Variants in NCOA3 observed in about 807,000 individuals in gnomAD.
NCOA3 encodes the protein nuclear receptor coactivator 3, also known as CBP-interacting protein.
In NCOA3, 51 loss-of-function variants were observed where a neutral mutation model predicts 158.8. The observed-to-expected ratio is 0.32, with a 90% CI of 0.26 to 0.41. The LOEUF (loss-of-function observed/expected upper bound fraction) is 0.41. NCOA3 is among the 10% of genes least tolerant of loss of function. The probability of loss-of-function intolerance (pLI) is 1.00; values close to 1 mark genes in which losing one functional copy is unlikely to be tolerated. For synonymous variants in NCOA3, 537 were observed against 592.4 expected (o/e 0.91, Z 1.36); for missense variants, 1,510 against 1,746.6 (o/e 0.86, Z 2.41).
intron 1 of NCOA3, among the ~76,000 whole-genome samples, chr20:47,532,196 A>G (rs1411927576): frequency 6.6e-6 from 1 of 151,834 alleles, no homozygotes; most frequent in African/African-American, 2.4e-5. Flanking sequence ...TGATACTTAA[A>G]CAAGGACACC....
intron 1 of NCOA3, among the ~76,000 whole-genome samples, chr20:47,553,324 A>T (rs767497103): frequency 1.3e-5 from 2 of 152,118 alleles, no homozygotes; most frequent in Non-Finnish European, 2.9e-5. Flanking sequence ...AAGCATTTTC[A>T]TCTCTGCTTC....
At chr20:47,578,197 A>T (rs72662721) in intron 1 of NCOA3, among the ~76,000 whole-genome samples, 2 of 152,112 alleles carry the variant, frequency 1.3e-5, no homozygotes, top group East Asian at 1.9e-4. Flanking sequence ...TATTATTATT[A>T]TTTTTTAAGA....
intron 14 of NCOA3, 148 bp from the exon 15 acceptor site, chr20:47,639,429 A>G (rs1001118721): frequency 6.2e-6 from 7 of 1,133,468 alleles, no homozygotes; most frequent in South Asian, 3.0e-5. Flanking sequence ...ATAGTGGCCT[A>G]TGTCTCCACA....
intron 19 of NCOA3, 122 bp from the exon 20 acceptor site, chr20:47,650,860 T>TAAA: frequency 1.1e-6 from 1 of 880,796 alleles, no homozygotes; most frequent in Non-Finnish European, 1.7e-6. Flanking sequence ...GAGACCCTGT[T>TAAA]AAAAAAAAGA....
At chr20:47,597,308 T>C (rs2085773045) in intron 2 of NCOA3, among the ~76,000 whole-genome samples, 1 of 152,202 alleles carries the variant, frequency 6.6e-6, no homozygotes, top group Non-Finnish European at 1.5e-5. Flanking sequence ...CTTTTATAAT[T>C]GTCCCACCAT....
At chr20:47,623,814 A>G in intron 3 of NCOA3, 97 bp from the exon 4 acceptor site, 3 of 1,119,648 alleles carry the variant, frequency 2.7e-6, no homozygotes, top group Non-Finnish European at 2.5e-6. Flanking sequence ...AAAAGTAATC[A>G]TGTAATAGTG....
At chr20:47,514,153 T>C (rs988367367) in intron 1 of NCOA3, among the ~76,000 whole-genome samples, 1 of 152,014 alleles carries the variant, frequency 6.6e-6, no homozygotes, top group Admixed American at 6.6e-5. Context: ...TAAGTCAACA[T>C]TTTCTTTTTT....
intron 2 of NCOA3, among the ~76,000 whole-genome samples, chr20:47,588,099 G>T (rs2085564435): frequency 6.8e-6 from 1 of 146,640 alleles, no homozygotes; most frequent in African/African-American, 2.5e-5. Context: ...TAAATTGCTT[G>T]GATTAGCCCT....
At chr20:47,644,859 G>C (rs554984724) in intron 17 of NCOA3, among the ~76,000 whole-genome samples, 1 of 151,978 alleles carries the variant, frequency 6.6e-6, no homozygotes. Flanking sequence ...CACCACGCCC[G>C]GCTTTTTTTT....
At chr20:47,556,165 G>C (rs2085004028) in intron 1 of NCOA3, among the ~76,000 whole-genome samples, 1 of 151,690 alleles carries the variant, frequency 6.6e-6, no homozygotes. Context: ...GAACTCTTGA[G>C]CTCAAGCATT....
At chr20:47,521,281 G>C (rs918504931) in intron 1 of NCOA3, among the ~76,000 whole-genome samples, 3 of 152,184 alleles carry the variant, frequency 2.0e-5, no homozygotes, top group Non-Finnish European at 4.4e-5. Context: ...GTAATCACAG[G>C]CAAGCCCCCA....
In NCOA3 at chr20:47,586,392, AT is replaced by A. The variant is rs72645209; in HGVS notation, c.-20+3142del. 6.7e-3 allele frequency among the ~76,000 whole-genome samples: 990 copies of A among 148,380 alleles called. 13 individuals are homozygous for A. Among genetic ancestry groups the A allele is most frequent in the Admixed American group, 0.023 (339 of 14,834 alleles). ...TTCTACCCACGTAAACACACACACA[AT>A]TTTTTTTTTTAACCATTTGAGGGTG... On this transcript the variant is annotated intron_variant, in intron 2 of 22. Coordinates refer to ENST00000371998, the MANE Select transcript of NCOA3 (RefSeq NM_181659.3).
intron 16 of NCOA3, among the ~76,000 whole-genome samples, chr20:47,640,787 CTGAGGAAGGAGAATGGCG>C (rs1568749588): frequency 6.6e-6 from 1 of 150,600 alleles, no homozygotes; most frequent in African/African-American, 2.4e-5. Context: ...ACTCAGGAGG[CTGAGGAAGGAGAATGGCG>C]TGAACCCGGG....
intron 8 of NCOA3, among the ~76,000 whole-genome samples, chr20:47,633,220 C>T (rs112695454): frequency 3.9e-5 from 6 of 152,102 alleles, no homozygotes; most frequent in African/African-American, 1.4e-4. Flanking sequence ...TTTTATTACT[C>T]AGGAAATTCT....
intron 1 of NCOA3, among the ~76,000 whole-genome samples, chr20:47,538,086 G>C (rs1444800920): frequency 6.6e-6 from 1 of 151,158 alleles, no homozygotes; most frequent in African/African-American, 2.4e-5. Flanking sequence ...CACTATGTTG[G>C]CCAGGCTGGT....
Position 47,635,479 on chromosome 20 carries a change from A to G in NCOA3, c.1270A>G (p.Thr424Ala). Residue 424 changes from threonine (T) to alanine (A), a missense_variant, in exon 11 of 23, where the codon ACC becomes GCC. Physicochemically the swap from Thr to Ala is moderately conservative, Grantham distance 58 (BLOSUM62 0). Around this residue, in one of 4 missense-constraint regions of NCOA3, gnomAD observed 1,017 missense variants for 1,098.3 expected, o/e 0.93. Transcript: ENST00000371998. ...SRAYGLADPS[T>A]TGQMSGARYG... ...GGCCTATGGCTTGGCAGACCCTAGC[A>G]CCACAGGGCAGATGAGTGGAGCTAG... The G allele has an allele frequency of 6.2e-7, 1 of 1,614,110 alleles. No homozygotes were observed. The highest frequency in any genetic ancestry group is 1.1e-5 in the South Asian group (1 of 91,076).
chr20:47,616,234 C>T (rs1316955044), intron 2 of NCOA3, among the ~76,000 whole-genome samples: 1 of 145,328 alleles, frequency 6.9e-6, no homozygotes, highest in East Asian at 2.1e-4. Flanking sequence ...ATTCTTGTTG[C>T]CCAGGCTGGA....
chr20:47,639,083 C>T lies in NCOA3; in HGVS notation c.2588C>T (p.Ser863Phe). Reference sequence around the variant, plus strand: ...GCAGTGTCTCTGGATAGCCCTGTTTCTGTTGGCTCAAGTCCTCCAGTAAAA... The same window carrying T: ...GCAGTGTCTCTGGATAGCCCTGTTTTTGTTGGCTCAAGTCCTCCAGTAAAA... Reference protein sequence around the residue: ...NRAVSLDSPVSVGSSPPVKNI... With the variant: ...NRAVSLDSPVFVGSSPPVKNI... The change falls in exon 14 of 23, where the codon TCT (serine) becomes TTT (phenylalanine). Residue 863 changes from serine to phenylalanine, a missense_variant. By Grantham distance (155) the Ser-to-Phe change is radical. Coordinates refer to ENST00000371998, the MANE Select transcript of NCOA3 (RefSeq NM_181659.3). 6.2e-7 allele frequency: 1 copy of T among 1,614,164 alleles called. No homozygotes were observed. The highest frequency in any genetic ancestry group is 8.5e-7 in the Non-Finnish European group (1 of 1,180,010).
chr20:47,602,197 A>T (rs539853255), intron 2 of NCOA3, among the ~76,000 whole-genome samples: 1 of 152,320 alleles, frequency 6.6e-6, no homozygotes, highest in South Asian at 2.1e-4. Flanking sequence ...CCCTTTTGTT[A>T]TATAGTGTTT....
Sources: gnomAD v4.1 joint callset for allele counts (sites outside exome capture counted in the v4.1 genomes callset) on GRCh38, gnomAD v4.1.1 for gene constraint, gnomAD v4.1.1 regional missense constraint, MANE v1.5 for transcripts, NCBI Gene and HGNC (gene_info 2026-07-23, HGNC 2026-07-21) for gene names.